DCDC1: variants seen among roughly 807,000 people sequenced by gnomAD.
DCDC1 encodes doublecortin domain-containing protein 1.
In DCDC1, 200 loss-of-function variants were observed where a neutral mutation model predicts 178.3. The observed-to-expected ratio is 1.12, with a 90% CI of 1.00 to 1.26. The LOEUF (loss-of-function observed/expected upper bound fraction) is 1.26, where lower values mean the gene tolerates loss of function less well. DCDC1 is among the 50% of genes most tolerant of loss of function. DCDC1 has a pLI of 0.00. For synonymous variants in DCDC1, 690 were observed against 604.8 expected (o/e 1.14, Z -2.07); for missense variants, 1,983 against 1,749.2 (o/e 1.13, Z -2.38).
At position 30,906,405 on chromosome 11, in the gene DCDC1, G is replaced by A. The variant is rs1255429016; in HGVS notation, c.4104+135C>T. The A allele has an allele frequency of 2.8e-5, 24 of 847,976 alleles. No homozygotes were observed. In the Admixed American group the frequency reaches 4.6e-4, roughly 16 times the overall value. The allele number at this position is 847,976 out of a possible 1,614,324, so 52.5% of individuals were successfully genotyped here. On this transcript the variant is annotated intron_variant, in intron 30 of 38. Transcript: ENST00000684477. ...GGGGAAAAGGAAATCAATGCAGGTAGAATGGTAAAGGTGCATCTGAGGAAG... is the reference window on the plus strand; with the variant it reads ...GGGGAAAAGGAAATCAATGCAGGTAAAATGGTAAAGGTGCATCTGAGGAAG...
intron 20 of DCDC1, among the ~76,000 whole-genome samples, chr11:30,965,786 A>G (rs1221049583): frequency 1.5e-5 from 2 of 131,464 alleles, no homozygotes; most frequent in East Asian, 4.5e-4. Flanking sequence ...AGAGTGTGAT[A>G]TTCCCCTTCC....
chr11:31,206,922 G>T (rs1177649336), intron 9 of DCDC1, among the ~76,000 whole-genome samples: 1 of 152,096 alleles, frequency 6.6e-6, no homozygotes, highest in Non-Finnish European at 1.5e-5. Flanking sequence ...AAACATTATA[G>T]TTGTATATAT....
chr11:31,230,951 A>G (rs976605235), intron 9 of DCDC1, among the ~76,000 whole-genome samples: 3 of 151,946 alleles, frequency 2.0e-5, no homozygotes, highest in African/African-American at 7.3e-5. Context: ...TCAGGAAGTT[A>G]TGAAATTTTT....
At chr11:31,195,648 A>C (rs1970608498) in intron 9 of DCDC1, among the ~76,000 whole-genome samples, 1 of 152,022 alleles carries the variant, frequency 6.6e-6, no homozygotes, top group Non-Finnish European at 1.5e-5. Context: ...ATACTATCCA[A>C]TCAATTCCTT....
chr11:30,928,674 T>C (rs1275318494), intron 22 of DCDC1, among the ~76,000 whole-genome samples: 1 of 846 alleles, frequency 1.2e-3, no homozygotes, highest in African/African-American at 4.1e-3. Context: ...AAATATACAG[T>C]TTCAAAAACT....
intron 3 of DCDC1, among the ~76,000 whole-genome samples, chr11:31,324,041 T>C (rs1358047566): frequency 6.6e-6 from 1 of 152,136 alleles, no homozygotes; most frequent in Non-Finnish European, 1.5e-5. Flanking sequence ...GGCCTAAAAA[T>C]GTGTATAAGG....
In DCDC1 at chr11:31,257,263, GGATGA is replaced by G. The variant is rs374563589; in HGVS notation, c.1054+8239_1054+8243del. On this transcript the variant is annotated intron_variant, in intron 8 of 38. Coordinates refer to ENST00000684477, the MANE Select transcript of DCDC1 (RefSeq NM_001387274.1). ...GCATTCTGGGCCAAAAAAGAAATGT[GGATGA>G]GATAACATTAGATTCATGTGGCTTG... 5.7e-4 allele frequency among the ~76,000 whole-genome samples: 86 copies of G among 152,186 alleles called. 1 individual carries two copies. Among genetic ancestry groups the G allele is most frequent in the African/African-American group, 1.8e-3 (74 of 41,520 alleles).
chr11:31,292,637 T>C (rs1171506400), intron 6 of DCDC1, among the ~76,000 whole-genome samples: 1 of 152,106 alleles, frequency 6.6e-6, no homozygotes, highest in African/African-American at 2.4e-5. Flanking sequence ...AGAAGCTTAA[T>C]GGGTAAGGGG....
intron 21 of DCDC1, among the ~76,000 whole-genome samples, chr11:30,933,669 AT>A (rs1199214987): frequency 1.3e-5 from 2 of 152,234 alleles, no homozygotes; most frequent in Non-Finnish European, 1.5e-5. Flanking sequence ...GCCTCATGAA[AT>A]GAATTGGAAA....
chr11:31,348,158 A>C (rs960342618), intron 1 of DCDC1, among the ~76,000 whole-genome samples: 2 of 152,216 alleles, frequency 1.3e-5, no homozygotes, highest in African/African-American at 4.8e-5. Context: ...CCTGTATCTC[A>C]TAACATACTT....
chr11:31,296,089 T>TCAGCCAGC (rs541393565), intron 6 of DCDC1, among the ~76,000 whole-genome samples: 4 of 152,096 alleles, frequency 2.6e-5, no homozygotes, highest in East Asian at 3.9e-4. Flanking sequence ...AGTCAGTCAG[T>TCAGCCAGC]CAGCCAGCCA....
In DCDC1 at chr11:30,904,964, G is replaced by A; in HGVS notation, c.4305C>T (p.Pro1435=). ...CATTTAAGTGATAGCCACTTACCATGGGGAATGTTCCAGCCACAATTAACT... is the reference window on the plus strand; with the variant it reads ...CATTTAAGTGATAGCCACTTACCATAGGGAATGTTCCAGCCACAATTAACT... ...NGKLIVAGTF[P]MLLTECTEQL... Residue 1435 remains proline (P), a synonymous_variant, in exon 31 of 39, where the codon CCC becomes CCT. Coordinates refer to ENST00000684477, the MANE Select transcript of DCDC1 (RefSeq NM_001387274.1). 1.2e-6 allele frequency: 2 copies of A among 1,613,672 alleles called. No homozygotes were observed. Among genetic ancestry groups the A allele is most frequent in the Non-Finnish European group, 8.5e-7 (1 of 1,179,662 alleles).
intron 36 of DCDC1, among the ~76,000 whole-genome samples, chr11:30,888,167 A>AGG (rs1943468587): frequency 2.7e-5 from 4 of 149,618 alleles, no homozygotes; most frequent in South Asian, 4.3e-4. Context: ...AGAAAGGGAA[A>AGG]GAAAGAAAGA....
chr11:31,357,788 C>A, intron 1 of DCDC1, among the ~76,000 whole-genome samples: 1 of 151,798 alleles, frequency 6.6e-6, no homozygotes, highest in Non-Finnish European at 1.5e-5. Flanking sequence ...TTCTTATACA[C>A]CAATAACAGA....
chr11:30,939,313 C>A (rs1233980344), intron 21 of DCDC1, among the ~76,000 whole-genome samples: 2 of 152,170 alleles, frequency 1.3e-5, no homozygotes, highest in Non-Finnish European at 2.9e-5. Context: ...CCCCTCTTGG[C>A]TGGAGTCCCA....
intron 9 of DCDC1, among the ~76,000 whole-genome samples, chr11:31,213,289 T>G (rs1206410930): frequency 6.6e-6 from 1 of 151,774 alleles, no homozygotes; most frequent in Non-Finnish European, 1.5e-5. Flanking sequence ...CAAAATGATC[T>G]TTTCAAATTT....
intron 11 of DCDC1, among the ~76,000 whole-genome samples, chr11:31,115,987 G>T (rs952023816): frequency 5.2e-5 from 7 of 134,036 alleles, no homozygotes; most frequent in Non-Finnish European, 1.2e-4. Flanking sequence ...GCAGTGGGGG[G>T]GGGGGGGATG....
At chr11:30,878,010 A>G (rs1942295953) in intron 38 of DCDC1, among the ~76,000 whole-genome samples, 1 of 152,178 alleles carries the variant, frequency 6.6e-6, no homozygotes, top group African/African-American at 2.4e-5. Context: ...ATATTTCACT[A>G]ATGACTAGTA....
At position 30,981,320 on chromosome 11, in the gene DCDC1, A is replaced by G. The variant is rs562567752; in HGVS notation, c.2592-28752T>C. ...ATATATTCATATAACAAACCTGCAC[A>G]TGTACCCCATGAATTAAAATAAATT... On this transcript the variant is annotated intron_variant, in intron 20 of 38. Transcript: ENST00000684477. Among the ~76,000 whole-genome samples, 199 of 152,296 alleles carry G rather than the reference A, an allele frequency of 1.3e-3. 3 individuals carry two copies. Among genetic ancestry groups the G allele is most frequent in the African/African-American group, 4.0e-3 (168 of 41,570 alleles).
Sources: allele counts gnomAD v4.1 joint callset (sites outside exome capture counted in the v4.1 genomes callset), GRCh38; gene constraint gnomAD v4.1.1; transcripts MANE v1.5; gene names NCBI Gene and HGNC (gene_info 2026-07-23, HGNC 2026-07-21).